Variants in FGFR2 observed in about 807,000 individuals in gnomAD.
The protein encoded by FGFR2 is BEK fibroblast growth factor receptor.
FGFR2 carries 19 observed loss-of-function variants against 95.9 expected under a neutral mutation model. The ratio of observed to expected loss-of-function variants is 0.20; its 90% confidence interval spans 0.14 to 0.29. FGFR2 has a LOEUF of 0.29. FGFR2 is among the 10% of genes least tolerant of loss of function. FGFR2 has a pLI of 1.00. For missense variants in FGFR2, 707 were observed against 1,056.9 expected (o/e 0.67, Z 4.59); for synonymous variants, 392 against 393.3 (o/e 1.00, Z 0.04).
chr10:121,544,068 T>C (rs373115628), intron 5 of FGFR2, among the ~76,000 whole-genome samples: 30 of 152,330 alleles, frequency 2.0e-4, no homozygotes, highest in African/African-American at 6.7e-4. Context: ...CTGGGACAGA[T>C]ACTTGTACAC....
At chr10:121,487,569 GA>G (rs1448812068) in intron 14 of FGFR2, 145 bp from the exon 15 acceptor site, 13 of 719,684 alleles carry the variant, frequency 1.8e-5, no homozygotes, top group Non-Finnish European at 3.2e-5. Flanking sequence ...TCCCAATGAG[GA>G]CCATGAACAA....
At chr10:121,582,176 C>T (rs76623279) in intron 2 of FGFR2, among the ~76,000 whole-genome samples, 1 of 152,090 alleles carries the variant, frequency 6.6e-6, no homozygotes, top group East Asian at 1.9e-4. Context: ...ATGATCCGCC[C>T]ACCTCGGCCC....
At chr10:121,525,379 C>T (rs41295535) in intron 6 of FGFR2, among the ~76,000 whole-genome samples, 20 of 152,266 alleles carry the variant, frequency 1.3e-4, no homozygotes, top group African/African-American at 2.6e-4. Flanking sequence ...CAAATAAACG[C>T]GTAGTAAACA....
intron 5 of FGFR2, among the ~76,000 whole-genome samples, chr10:121,543,459 G>A (rs1398732369): frequency 6.6e-6 from 1 of 152,190 alleles, no homozygotes; most frequent in Non-Finnish European, 1.5e-5. Context: ...GCAGTGAGCT[G>A]AGATCATGCC....
At chr10:121,538,831 C>T (rs2134615573) in intron 5 of FGFR2, 116 bp from the exon 6 acceptor site, 1 of 1,329,970 alleles carries the variant, frequency 7.5e-7, no homozygotes. Context: ...GGAAGAATCA[C>T]CTAAATTCTA....
chr10:121,580,024 G>C (rs59577576), intron 2 of FGFR2, among the ~76,000 whole-genome samples: 1 of 152,120 alleles, frequency 6.6e-6, no homozygotes, highest in Non-Finnish European at 1.5e-5. Context: ...CAGCGGATAC[G>C]TTTGCCCTGT....
chr10:121,494,901 T>C (rs766351524), intron 13 of FGFR2, among the ~76,000 whole-genome samples: 25 of 152,110 alleles, frequency 1.6e-4, no homozygotes, highest in Middle Eastern at 3.2e-3. Flanking sequence ...ATACAGTCCA[T>C]ATTCAAAGGA....
chr10:121,539,995 C>G (rs1853455781), intron 5 of FGFR2, among the ~76,000 whole-genome samples: 1 of 152,184 alleles, frequency 6.6e-6, no homozygotes, highest in Non-Finnish European at 1.5e-5. Context: ...GTCAGCCACT[C>G]AGTTCTATGC....
At chr10:121,592,674 C>G (rs769498076) in intron 2 of FGFR2, among the ~76,000 whole-genome samples, 4 of 152,090 alleles carry the variant, frequency 2.6e-5, no homozygotes, top group Non-Finnish European at 4.4e-5. Flanking sequence ...CCAGCCTACC[C>G]CACTGGGTAA....
At chr10:121,508,156 C>T (rs773369788) in intron 9 of FGFR2, among the ~76,000 whole-genome samples, 6 of 152,142 alleles carry the variant, frequency 3.9e-5, no homozygotes, top group Admixed American at 6.6e-5. Flanking sequence ...CAATCCCCAA[C>T]GCATACCAAG....
Position 121,531,258 on chromosome 10 carries a change from G to A in FGFR2, c.748+7334C>T, listed in dbSNP as rs1018763709. 1 of 152,172 alleles carries A rather than the reference G, an allele frequency of 6.6e-6. No individual in the cohort carries two copies. Among genetic ancestry groups the A allele is most frequent in the African/African-American group, 2.4e-5 (1 of 41,430 alleles). The allele number at this position is 152,172 out of a possible 1,614,324, so 9.4% of individuals were successfully genotyped here. A position where few individuals can be genotyped will look rare whatever the true frequency, so the allele number is the denominator to read the frequency against. On this transcript the variant is annotated intron_variant, in intron 6 of 17. Coordinates refer to ENST00000358487, the MANE Select transcript of FGFR2 (RefSeq NM_000141.5). The surrounding 1 kb of genome is among the most constrained non-coding windows in gnomAD (Gnocchi z 4.5). ...CCACCCCAGGGAGCTGGCACCCGCA[G>A]AATACCACCTGCTCCCAAAGGCTTC...
chr10:121,564,442 A>G, intron 4 of FGFR2, 60 bp downstream of exon 4: 3 of 1,466,944 alleles, frequency 2.0e-6, no homozygotes, highest in Non-Finnish European at 2.9e-6. Context: ...GACAGGTGAC[A>G]GGCAGAACTT....
At chr10:121,496,791 C>A (rs1353935171) in intron 12 of FGFR2, 69 bp from the exon 13 acceptor site, 161 of 1,246,120 alleles carry the variant, frequency 1.3e-4, no homozygotes, top group Non-Finnish European at 1.8e-4. Flanking sequence ...TTCAGCAAAA[C>A]ATTTTTAGTT....
At chr10:121,556,410 TC>T in intron 4 of FGFR2, among the ~76,000 whole-genome samples, 1 of 150,064 alleles carries the variant, frequency 6.7e-6, no homozygotes, top group South Asian at 2.1e-4. Flanking sequence ...TCTCTCTCTC[TC>T]TCTCTCTCTC....
At chr10:121,537,316 T>G (rs1261517338) in intron 6 of FGFR2, among the ~76,000 whole-genome samples, 1 of 152,254 alleles carries the variant, frequency 6.6e-6, no homozygotes, top group Non-Finnish European at 1.5e-5. Context: ...GGTTATATCA[T>G]GCTTTCTAAG....
At chr10:121,481,966 T>C in intron 17 of FGFR2, 1 of 398,550 alleles carries the variant, frequency 2.5e-6, no homozygotes, top group South Asian at 4.0e-5. Context: ...CCTCCCGGAG[T>C]AGCTGGGATT....
chr10:121,556,463 A>G (rs1243914331), intron 4 of FGFR2, among the ~76,000 whole-genome samples: 1 of 150,458 alleles, frequency 6.6e-6, no homozygotes, highest in African/African-American at 2.5e-5. Context: ...ACACGGCCCA[A>G]TGATTTAAAG....
chr10:121,556,208 C>T (rs924151865), intron 4 of FGFR2, among the ~76,000 whole-genome samples: 5 of 152,164 alleles, frequency 3.3e-5, no homozygotes, highest in African/African-American at 1.2e-4. Context: ...ATTAAGGTCC[C>T]CGCCAGTTCG....
chr10:121,591,730 A>G (rs1862683606), intron 2 of FGFR2, among the ~76,000 whole-genome samples: 1 of 152,230 alleles, frequency 6.6e-6, no homozygotes, highest in Admixed American at 6.5e-5. Context: ...CTATAAACCC[A>G]TAAAAATGCA....
Sources: gnomAD v4.1 joint callset for allele counts (sites outside exome capture counted in the v4.1 genomes callset) on GRCh38, gnomAD v4.1.1 for gene constraint, Gnocchi (gnomAD v3.1) non-coding constraint, MANE v1.5 for transcripts, NCBI Gene and HGNC (gene_info 2026-07-23, HGNC 2026-07-21) for gene names.